Variants in CHCHD3 observed in about 807,000 individuals in gnomAD.
CHCHD3 encodes the protein MICOS complex subunit MIC19.
Under a neutral mutation model 38.2 loss-of-function variants are expected in CHCHD3, and 20 were observed. That is an observed-to-expected ratio of 0.52 (90% CI 0.37 to 0.76). The LOEUF (loss-of-function observed/expected upper bound fraction) is 0.76. Among genes scored for constraint, CHCHD3 ranks in the 30% least tolerant of loss-of-function variants. The pLI is 0.00. For missense variants in CHCHD3, 245 were observed against 279.2 expected (o/e 0.88, Z 0.87); for synonymous variants, 82 against 100.0 (o/e 0.82, Z 1.07).
At chr7:132,903,834 C>CAG (rs1413951504) in intron 4 of CHCHD3, among the ~76,000 whole-genome samples, 3 of 152,340 alleles carry the variant, frequency 2.0e-5, no homozygotes, top group African/African-American at 7.2e-5. Flanking sequence ...ACTAACTGAT[C>CAG]AGATTCCAGA....
chr7:133,034,013 T>A (rs936264385), intron 2 of CHCHD3, among the ~76,000 whole-genome samples: 7 of 152,192 alleles, frequency 4.6e-5, no homozygotes, highest in Admixed American at 3.9e-4. Context: ...ACCCCCAAAC[T>A]GTACAAATGT....
intron 4 of CHCHD3, among the ~76,000 whole-genome samples, chr7:132,915,373 T>G (rs1340885065): frequency 6.6e-6 from 1 of 152,098 alleles, no homozygotes; most frequent in Non-Finnish European, 1.5e-5. Context: ...GTTCTGGAAG[T>G]GGCATGTGGA....
intron 2 of CHCHD3, among the ~76,000 whole-genome samples, chr7:133,044,854 C>G (rs1813934769): frequency 6.6e-6 from 1 of 152,218 alleles, no homozygotes. Flanking sequence ...GCTCTCCTCC[C>G]CAGGCGGGAG....
intron 1 of CHCHD3, among the ~76,000 whole-genome samples, chr7:133,080,331 TCA>T (rs1479010763): frequency 6.6e-6 from 1 of 152,276 alleles, no homozygotes; most frequent in Non-Finnish European, 1.5e-5. Flanking sequence ...ATCCCTGCTG[TCA>T]CAGTTATTCC....
chr7:133,071,983 G>A (rs1814829989), intron 1 of CHCHD3, among the ~76,000 whole-genome samples: 1 of 151,994 alleles, frequency 6.6e-6, no homozygotes, highest in African/African-American at 2.4e-5. Context: ...ATCTTATTGG[G>A]GTGATAAAAA....
chr7:133,037,677 G>T (rs985102939), intron 2 of CHCHD3, among the ~76,000 whole-genome samples: 2 of 152,150 alleles, frequency 1.3e-5, no homozygotes, highest in Admixed American at 1.3e-4. Flanking sequence ...GCCAGGCGTG[G>T]TGGTGCACAC....
Position 132,829,505 on chromosome 7 carries a change from T to A in CHCHD3, c.524+8894A>T, listed in dbSNP as rs28708800. ...AGAACGAATCATGAATCCAGGAGTG[T>A]ATGGCCACAAACCTAAGAGCTGCCA... On this transcript the variant is annotated intron_variant, in intron 6 of 7. Transcript: ENST00000262570. Among the ~76,000 whole-genome samples the A allele has an allele frequency of 2.0e-3, 303 of 152,292 alleles. 1 individual carries two copies. Among genetic ancestry groups the A allele is most frequent in the African/African-American group, 6.9e-3 (288 of 41,560 alleles).
At chr7:133,057,480 T>A (rs953741519) in intron 2 of CHCHD3, among the ~76,000 whole-genome samples, 1 of 152,030 alleles carries the variant, frequency 6.6e-6, no homozygotes, top group Non-Finnish European at 1.5e-5. Flanking sequence ...AGAATCTCCT[T>A]GAGCCCAGCA....
At chr7:132,898,623 G>A (rs1809573728) in intron 4 of CHCHD3, among the ~76,000 whole-genome samples, 1 of 152,264 alleles carries the variant, frequency 6.6e-6, no homozygotes, top group South Asian at 2.1e-4. Flanking sequence ...CAGCCCTTGG[G>A]TGGTCGATGG....
intron 2 of CHCHD3, among the ~76,000 whole-genome samples, chr7:133,044,205 C>T (rs1010222897): frequency 1.2e-4 from 19 of 152,204 alleles, no homozygotes; most frequent in African/African-American, 4.1e-4. Context: ...TACTAACAAT[C>T]ACAAAACTCA....
intron 4 of CHCHD3, among the ~76,000 whole-genome samples, chr7:132,936,848 C>T (rs1306336758): frequency 1.3e-5 from 2 of 152,154 alleles, no homozygotes. Context: ...TGCTTGAAGC[C>T]CCCATTGCTT....
chr7:133,057,511 A>T (rs1814377231), intron 2 of CHCHD3, among the ~76,000 whole-genome samples: 1 of 152,186 alleles, frequency 6.6e-6, no homozygotes, highest in Admixed American at 6.5e-5. Context: ...GCAGTGAGCC[A>T]TTACCATACC....
At chr7:132,969,085 T>C (rs1308435309) in intron 4 of CHCHD3, among the ~76,000 whole-genome samples, 1 of 152,064 alleles carries the variant, frequency 6.6e-6, no homozygotes, top group East Asian at 1.9e-4. Flanking sequence ...AAAAGTGACA[T>C]TTTGGAGAAA....
At chr7:133,042,141 A>G (rs1813851161) in intron 2 of CHCHD3, among the ~76,000 whole-genome samples, 1 of 152,236 alleles carries the variant, frequency 6.6e-6, no homozygotes, top group African/African-American at 2.4e-5. Context: ...CCAGCATAGC[A>G]TGTCCAATTT....
chr7:132,881,245 T>C (rs1809047228), intron 5 of CHCHD3, among the ~76,000 whole-genome samples: 1 of 152,128 alleles, frequency 6.6e-6, no homozygotes, highest in Non-Finnish European at 1.5e-5. Context: ...CTGGGTGAAG[T>C]GGCCAATATA....
chr7:132,855,673 A>C (rs1393545033), intron 5 of CHCHD3, among the ~76,000 whole-genome samples: 1 of 152,114 alleles, frequency 6.6e-6, no homozygotes, highest in Non-Finnish European at 1.5e-5. Flanking sequence ...AGGATTCCGG[A>C]GTCTCTAAGG....
chr7:133,022,986 C>A (rs1813236368), intron 3 of CHCHD3, among the ~76,000 whole-genome samples: 1 of 147,580 alleles, frequency 6.8e-6, no homozygotes, highest in Non-Finnish European at 1.5e-5. Context: ...AGAATCTAAC[C>A]AAAAAACCCC....
At chr7:132,898,185 G>C (rs1234948274) in intron 4 of CHCHD3, among the ~76,000 whole-genome samples, 2 of 152,190 alleles carry the variant, frequency 1.3e-5, no homozygotes, top group African/African-American at 4.8e-5. Flanking sequence ...TTATTGCAGA[G>C]AGCCAAAGAA....
Position 132,819,491 on chromosome 7 carries a change from A to C in CHCHD3, c.524+18908T>G, listed in dbSNP as rs146594140. On this transcript the variant is annotated intron_variant, in intron 6 of 7. Transcript: ENST00000262570. ...CTAAGTTAAGAAGCATGGACATTTT[A>C]TAAGAGTTCAATTTAGTAGATGGAA... Among the ~76,000 whole-genome samples, 464 of 152,190 alleles carry C rather than the reference A, an allele frequency of 3.0e-3. 1 individual carries two copies. The highest frequency in any genetic ancestry group is 0.011 in the African/African-American group (445 of 41,536).
Sources: allele counts gnomAD v4.1 joint callset (sites outside exome capture counted in the v4.1 genomes callset), GRCh38; gene constraint gnomAD v4.1.1; transcripts MANE v1.5; gene names NCBI Gene and HGNC (gene_info 2026-07-23, HGNC 2026-07-21).